NFATC1: variants seen among roughly 807,000 people sequenced by gnomAD.
The protein encoded by NFATC1 is nuclear factor of activated T cells 1, also known as nuclear factor of activated T-cells, cytoplasmic 1.
Under a neutral mutation model 76.0 loss-of-function variants are expected in NFATC1, and 22 were observed. That is an observed-to-expected ratio of 0.29 (90% confidence interval 0.21 to 0.41). NFATC1 has a LOEUF of 0.41. NFATC1 is among the 10% of genes least tolerant of loss of function. The pLI is 1.00. For missense variants in NFATC1, 1,357 were observed against 1,337.7 expected (o/e 1.01, Z -0.23); for synonymous variants, 704 against 613.1 (o/e 1.15, Z -2.19).
chr18:79,490,309 C>G (rs1321053141), intron 9 of NFATC1, among the ~76,000 whole-genome samples: 1 of 145,542 alleles, frequency 6.9e-6, no homozygotes, highest in Admixed American at 6.8e-5. Context: ...TGGGTTAGGA[C>G]AGGGTGGTCC....
intron 2 of NFATC1, among the ~76,000 whole-genome samples, chr18:79,428,326 A>G (rs774318135): frequency 3.3e-5 from 5 of 152,162 alleles, no homozygotes; most frequent in Non-Finnish European, 7.4e-5. Flanking sequence ...GGTGTTTTTA[A>G]CTATCGTGTA....
chr18:79,508,383 G>GT (rs1290939244), intron 9 of NFATC1, among the ~76,000 whole-genome samples: 1 of 152,206 alleles, frequency 6.6e-6, no homozygotes, highest in Non-Finnish European at 1.5e-5. Flanking sequence ...CGGCGTGCGT[G>GT]TGAGGGTTGG....
Position 79,467,531 on chromosome 18 carries a change from G to A in NFATC1, c.2041G>A (p.Gly681Arg), listed in dbSNP as rs1205020215. The A allele has an allele frequency of 6.2e-6, 10 of 1,613,900 alleles. No individual in the cohort carries two copies. In the African/African-American group the frequency reaches 6.7e-5, roughly 11 times the overall value. Residue 681 changes from glycine to arginine, a missense_variant, in exon 8 of 10, where the codon GGG becomes AGG. This residue lies in a region of NFATC1 where 424 missense variants were observed against 395.4 expected (regional missense o/e 1.07). Transcript: ENST00000427363. Reference sequence around the variant, plus strand: ...TCACGTCAGTTTCTACGTCTGCAACGGGAAGAGAAAGCGAAGCCAGTACCA... The same window carrying A: ...TCACGTCAGTTTCTACGTCTGCAACAGGAAGAGAAAGCGAAGCCAGTACCA... The part of the protein sequence containing the change: ...PVHVSFYVCN[G>R]KRKRSQYQRF...
Position 79,486,504 on chromosome 18 carries a change from G to A in NFATC1, c.2349G>A (p.Pro783=), listed in dbSNP as rs756301436. 3.2e-5 allele frequency: 52 copies of A among 1,604,234 alleles called. No individual in the cohort carries two copies. Among genetic ancestry groups the A allele is most frequent in the Non-Finnish European group, 3.6e-5 (42 of 1,179,400 alleles). Residue 783 remains proline, a synonymous_variant, in exon 9 of 10, where the codon CCG becomes CCA. Coordinates refer to ENST00000427363, the MANE Select transcript of NFATC1 (RefSeq NM_001278669.2). ...CCTACACCAAGGGCGTTGCCAGCCC[G>A]GGCCACTGTCACCTCGGACTCCCGC... ...PAAYTKGVAS[P]GHCHLGLPQP...
chr18:79,469,941 C>T, intron 8 of NFATC1: 1 of 985,550 alleles, frequency 1.0e-6, no homozygotes, highest in Middle Eastern at 5.2e-4. Flanking sequence ...GGCGAGATCC[C>T]CAGTGTTGAC....
chr18:79,483,377 GT>G (rs1412110476), intron 8 of NFATC1, among the ~76,000 whole-genome samples: 63 of 125,520 alleles, frequency 5.0e-4, no homozygotes, highest in African/African-American at 2.0e-3. Context: ...GCGTGACCTG[GT>G]TCCTGGGGTG....
chr18:79,455,432 C>T (rs2087656403), intron 6 of NFATC1, among the ~76,000 whole-genome samples: 1 of 152,290 alleles, frequency 6.6e-6, no homozygotes, highest in Middle Eastern at 3.4e-3. Context: ...CCTCCCGGGG[C>T]CCCTCTGGGG....
At chr18:79,461,257 G>GA in intron 6 of NFATC1, 54 bp from the exon 7 acceptor site, 1 of 1,605,188 alleles carries the variant, frequency 6.2e-7, no homozygotes, top group Non-Finnish European at 8.5e-7. Context: ...GGTGTCTGGG[G>GA]AGGGGGCTCC....
intron 9 of NFATC1, among the ~76,000 whole-genome samples, chr18:79,489,288 G>C (rs1003251816): frequency 1.3e-5 from 2 of 152,320 alleles, no homozygotes; most frequent in Admixed American, 6.5e-5. Context: ...TGGAGGGGAT[G>C]GGTCTTGGGG....
chr18:79,437,730 GTC>G (rs1268266709), intron 3 of NFATC1, among the ~76,000 whole-genome samples: 1 of 152,202 alleles, frequency 6.6e-6, no homozygotes, highest in African/African-American at 2.4e-5. Context: ...GAGGGGGAGG[GTC>G]TCTCTGTACA....
At chr18:79,450,131 C>T (rs946261042) in intron 4 of NFATC1, among the ~76,000 whole-genome samples, 1 of 152,180 alleles carries the variant, frequency 6.6e-6, no homozygotes, top group Non-Finnish European at 1.5e-5. Flanking sequence ...GGGAGACGCC[C>T]GCAGCCAGGA....
chr18:79,449,864 G>A (rs1434982836), intron 4 of NFATC1, among the ~76,000 whole-genome samples: 5 of 152,162 alleles, frequency 3.3e-5, no homozygotes, highest in African/African-American at 9.7e-5. Context: ...GGGGGGCCAC[G>A]TTGGGGATTT....
rs1251728820 is a variant in NFATC1, at chr18:79,396,115, C to T, written c.-110C>T. On this transcript the variant is annotated 5_prime_UTR_variant, in exon 1 of 10. Transcript: ENST00000427363. ...TGACTTTCCTCCGGGGCGCGCGGCG[C>T]TGAGCCCGGGGCGAGGGCTGTCTTC... The T allele has an allele frequency of 1.2e-5, 14 of 1,196,072 alleles. No homozygotes were observed. Among genetic ancestry groups the T allele is most frequent in the African/African-American group, 1.6e-5 (1 of 61,092 alleles). 74.1% of individuals were successfully genotyped at this position (1,196,072 alleles called of 1,614,324 possible). A position where few individuals can be genotyped will look rare whatever the true frequency, so the allele number is the denominator to read the frequency against.
intron 9 of NFATC1, among the ~76,000 whole-genome samples, chr18:79,504,259 A>G (rs1165126673): frequency 3.3e-5 from 5 of 152,298 alleles, no homozygotes; most frequent in African/African-American, 1.2e-4. Context: ...AAATTTAATC[A>G]TTCCTAGTTT....
intron 9 of NFATC1, among the ~76,000 whole-genome samples, chr18:79,520,138 A>T (rs1232151103): frequency 6.6e-6 from 1 of 151,724 alleles, no homozygotes; most frequent in African/African-American, 2.4e-5. Context: ...TGCAGGGGGA[A>T]ACTTGACGGA....
chr18:79,481,727 G>A (rs1269008955), intron 8 of NFATC1, among the ~76,000 whole-genome samples: 1 of 152,260 alleles, frequency 6.6e-6, no homozygotes, highest in Non-Finnish European at 1.5e-5. Context: ...GGCCCAGTGG[G>A]CCTCACTGTT....
chr18:79,501,277 C>T (rs1485656973), intron 9 of NFATC1, among the ~76,000 whole-genome samples: 2 of 152,192 alleles, frequency 1.3e-5, no homozygotes, highest in African/African-American at 2.4e-5. Context: ...CAAAATCCAA[C>T]ACCAACTTAT....
At chr18:79,500,137 T>G (rs1027971481) in intron 9 of NFATC1, among the ~76,000 whole-genome samples, 1 of 152,106 alleles carries the variant, frequency 6.6e-6, no homozygotes, top group Non-Finnish European at 1.5e-5. Context: ...TGTAGGACAC[T>G]CTACAGAGTG....
intron 2 of NFATC1, among the ~76,000 whole-genome samples, chr18:79,429,561 G>A (rs547253544): frequency 4.6e-5 from 7 of 152,148 alleles, no homozygotes; most frequent in South Asian, 2.1e-4. Context: ...TGCCCCAGGC[G>A]TCGTCCCCCA....
Sources: allele counts gnomAD v4.1 joint callset (sites outside exome capture counted in the v4.1 genomes callset), GRCh38; gene constraint gnomAD v4.1.1; regional missense constraint gnomAD v4.1.1; transcripts MANE v1.5; gene names NCBI Gene and HGNC (gene_info 2026-07-23, HGNC 2026-07-21).